The following SS18L1 variants were observed in gnomAD, a reference collection of about 807,000 sequenced individuals.
The protein encoded by SS18L1 is calcium-responsive transactivator.
SS18L1 carries 32 observed loss-of-function variants against 70.3 expected under a neutral mutation model. The ratio of observed to expected loss-of-function variants is 0.46; its 90% confidence interval spans 0.34 to 0.61. The LOEUF is 0.61. Ranked by LOEUF, SS18L1 falls within the 20% of genes least tolerant of loss-of-function variation. The pLI, the probability that SS18L1 is intolerant of heterozygous loss-of-function variation, is 0.01. For synonymous variants in SS18L1, 237 were observed against 229.7 expected, an observed-to-expected ratio of 1.03 and a Z score of -0.29; for missense variants, 430 against 542.1, an observed-to-expected ratio of 0.79 and a Z score of 2.05.
chr20:62,162,671 G>T (rs1249691329), intron 4 of SS18L1, 81 bp from the exon 5 acceptor site: 5 of 1,458,364 alleles, frequency 3.4e-6, no homozygotes, highest in East Asian at 2.3e-5. Context: ...GTCACTTGAA[G>T]GGAAATTGGG....
At chr20:62,156,181 A>T in intron 1 of SS18L1, among the ~76,000 whole-genome samples, 1 of 152,132 alleles carries the variant, frequency 6.6e-6, no homozygotes. Flanking sequence ...GCTGGGAGTG[A>T]TGCTGAAATG....
At chr20:62,144,650 G>A (rs1362759057) in intron 1 of SS18L1, among the ~76,000 whole-genome samples, 1 of 152,234 alleles carries the variant, frequency 6.6e-6, no homozygotes, top group African/African-American at 2.4e-5. Context: ...CCGTAAGTTC[G>A]GCCTTGTGGT....
chr20:62,144,446 G>A (rs1231018076), intron 1 of SS18L1, among the ~76,000 whole-genome samples: 1 of 152,252 alleles, frequency 6.6e-6, no homozygotes, highest in African/African-American at 2.4e-5. Flanking sequence ...CCTGGAGCGA[G>A]GCGCGAACGA....
intron 1 of SS18L1, among the ~76,000 whole-genome samples, chr20:62,148,274 G>C (rs1206343604): frequency 6.6e-6 from 1 of 151,470 alleles, no homozygotes; most frequent in Non-Finnish European, 1.5e-5. Context: ...CCTCCTTGCT[G>C]TCTTAGGTCA....
At chr20:62,176,107 C>G (rs1297154499) in intron 10 of SS18L1, among the ~76,000 whole-genome samples, 1 of 152,232 alleles carries the variant, frequency 6.6e-6, no homozygotes, top group Non-Finnish European at 1.5e-5. Context: ...TCTGATGAGA[C>G]GCCATACCTC....
chr20:62,156,231 C>T (rs1188359145), intron 1 of SS18L1, among the ~76,000 whole-genome samples: 2 of 152,152 alleles, frequency 1.3e-5, no homozygotes, highest in African/African-American at 4.8e-5. Context: ...ACAATCTCTG[C>T]CTGGGGGTTA....
chr20:62,171,211 C>T (rs916565892), intron 8 of SS18L1, among the ~76,000 whole-genome samples: 7 of 152,136 alleles, frequency 4.6e-5, no homozygotes, highest in African/African-American at 1.2e-4. Context: ...CACAAACTGG[C>T]TCCTTTATTA....
chr20:62,163,669 G>C, intron 6 of SS18L1, 47 bp downstream of exon 6: 1 of 1,489,586 alleles, frequency 6.7e-7, no homozygotes, highest in South Asian at 1.3e-5. Context: ...ACCGCCGCGG[G>C]TCGTGAAGTG....
At chr20:62,167,489 G>A (rs2057456938) in intron 8 of SS18L1, among the ~76,000 whole-genome samples, 1 of 151,924 alleles carries the variant, frequency 6.6e-6, no homozygotes, top group Non-Finnish European at 1.5e-5. Context: ...TGAACCCAGA[G>A]GCAGAGGTTG....
intron 1 of SS18L1, among the ~76,000 whole-genome samples, chr20:62,152,882 C>T (rs930093575): frequency 6.6e-6 from 1 of 152,228 alleles, no homozygotes; most frequent in Non-Finnish European, 1.5e-5. Flanking sequence ...GGTGCATTTC[C>T]GTCCTGTCAG....
intron 1 of SS18L1, among the ~76,000 whole-genome samples, chr20:62,156,607 G>C (rs6089671): frequency 6.6e-6 from 1 of 152,272 alleles, no homozygotes; most frequent in East Asian, 1.9e-4. Context: ...CAGTCACTCA[G>C]CTGGGGCTGT....
rs2057355183 is a variant in SS18L1 at position 62,162,873 on chromosome 20, G to T, written c.498G>T (p.Gly166=). Residue 166 remains glycine (G), a synonymous_variant, in exon 5 of 11, where the codon GGG becomes GGT. Coordinates refer to ENST00000331758, the MANE Select transcript of SS18L1 (RefSeq NM_198935.3). Reference sequence around the variant, plus strand: ...CCTCGCAGGGCGTCCCCATGCAGGGGCAAGGCACCATCGGCAACTACGTGT... The same window carrying T: ...CCTCGCAGGGCGTCCCCATGCAGGGTCAAGGCACCATCGGCAACTACGTGT... ...GPASQGVPMQ[G]QGTIGNYVSR... is the part of the protein sequence containing the mutation. 2 of 1,612,864 alleles carry T rather than the reference G, an allele frequency of 1.2e-6. No homozygotes were observed. Among genetic ancestry groups the T allele is most frequent in the South Asian group, 2.2e-5 (2 of 91,054 alleles).
chr20:62,163,745 G>GCGGGGAGC, intron 6 of SS18L1, 123 bp downstream of exon 6: 1 of 1,332,988 alleles, frequency 7.5e-7, no homozygotes, highest in Non-Finnish European at 9.9e-7. Context: ...GGGGAGTGAG[G>GCGGGGAGC]CTTGGCGCCT....
At chr20:62,168,617 G>A (rs566532370) in intron 8 of SS18L1, among the ~76,000 whole-genome samples, 3 of 151,908 alleles carry the variant, frequency 2.0e-5, no homozygotes, top group East Asian at 1.9e-4. Context: ...CTGAGAGGTC[G>A]AGACCAGCCT....
At position 62,161,407 on chromosome 20, in the gene SS18L1, T is replaced by C. The variant is rs2057327162; in HGVS notation, c.232-29T>C. ...GGTCGCTCTCCGTAAATTAACCGTTTTTCCCTGAAAACTTCCTGTTGCCTG... is the reference window on the plus strand; with the variant it reads ...GGTCGCTCTCCGTAAATTAACCGTTCTTCCCTGAAAACTTCCTGTTGCCTG... On this transcript the variant is annotated intron_variant, in intron 3 of 10. Transcript: ENST00000331758. The surrounding 1 kb of genome is among the most constrained non-coding windows in gnomAD (Gnocchi z 4.4). 4 of 1,612,490 alleles carry C rather than the reference T, an allele frequency of 2.5e-6. No homozygotes were observed. Among genetic ancestry groups the C allele is most frequent in the South Asian group, 2.2e-5 (2 of 91,040 alleles).
intron 1 of SS18L1, 39 bp downstream of exon 1, chr20:62,143,928 T>A: frequency 9.9e-7 from 1 of 1,006,818 alleles, no homozygotes; most frequent in Non-Finnish European, 1.2e-6. Flanking sequence ...GCGGCGGGTC[T>A]GCGGGCGGGC....
chr20:62,165,886 C>T (rs886431992), intron 8 of SS18L1, among the ~76,000 whole-genome samples: 9 of 150,890 alleles, frequency 6.0e-5, no homozygotes, highest in African/African-American at 1.5e-4. Context: ...GTGGGGCCTG[C>T]GAGCCACTCT....
Position 62,164,390 on chromosome 20 carries a change from C to T in SS18L1, c.823+144C>T, listed in dbSNP as rs1389446397. 305 of 878,144 alleles carry T rather than the reference C, an allele frequency of 3.5e-4. 2 individuals carry two copies. The highest frequency in any genetic ancestry group is 4.7e-5 in the Non-Finnish European group (28 of 592,810). The allele number at this position is 878,144 out of a possible 1,614,324, so 54.4% of individuals were successfully genotyped here. A position where few individuals can be genotyped will look rare whatever the true frequency, so the allele number is the denominator to read the frequency against. On this transcript the variant is annotated intron_variant, in intron 7 of 10. Transcript: ENST00000331758. ...AGGCCTGGGCTACAGGCAGAGTGGC[C>T]AGACGCCCTGCAGGAGCAAGGTAGG... is the stretch of plus-strand genomic sequence containing the variant.
At chr20:62,143,947 G>A in intron 1 of SS18L1, 58 bp downstream of exon 1, 1 of 961,950 alleles carries the variant, frequency 1.0e-6, no homozygotes, top group Non-Finnish European at 1.2e-6. Flanking sequence ...GCGCGCGCGG[G>A]GACGGGGCGC....
Sources: gnomAD v4.1 joint callset for allele counts (sites outside exome capture counted in the v4.1 genomes callset) on GRCh38, gnomAD v4.1.1 for gene constraint, Gnocchi (gnomAD v3.1) non-coding constraint, MANE v1.5 for transcripts, NCBI Gene and HGNC (gene_info 2026-07-23, HGNC 2026-07-21) for gene names.